The following SFI1 variants were observed in gnomAD, a reference collection of about 807,000 sequenced individuals.
The protein encoded by SFI1 is SFI1 centrin binding protein, also known as protein SFI1 homolog.
A neutral mutation model predicts 207.5 loss-of-function variants in SFI1; 195 were observed. The ratio of observed to expected loss-of-function variants is 0.94; its 90% CI spans 0.84 to 1.06. The LOEUF (loss-of-function observed/expected upper bound fraction) is 1.06, where lower values mean the gene tolerates loss of function less well. Among genes scored for constraint, SFI1 ranks in the 50% least tolerant of loss-of-function variants. The pLI is 0.00. For missense variants in SFI1, 1,634 were observed against 1,588.0 expected (o/e 1.03, Z -0.49); for synonymous variants, 630 against 598.9 (o/e 1.05, Z -0.76).
chr22:31,510,034 C>G (rs1471606178), intron 2 of SFI1, among the ~76,000 whole-genome samples: 2 of 152,032 alleles, frequency 1.3e-5, no homozygotes, highest in Non-Finnish European at 1.5e-5. Flanking sequence ...GATTCTCCAT[C>G]ATGTTGGCCA....
intron 20 of SFI1, chr22:31,605,287 A>G: frequency 5.8e-6 from 1 of 173,222 alleles, no homozygotes; most frequent in Non-Finnish European, 1.2e-5. Context: ...GGCTTCAGCG[A>G]CTCCCTTTCC....
At chr22:31,611,404 C>G (rs950416772) in intron 23 of SFI1, 101 bp downstream of exon 23, 32 of 1,376,532 alleles carry the variant, frequency 2.3e-5, no homozygotes, top group Admixed American at 5.3e-5. Flanking sequence ...TGACAGCACT[C>G]CATGCAGCCG....
rs1183711387 is a variant in SFI1 at position 31,585,157 on chromosome 22, T to G, written c.1413+23T>G. The G allele has an allele frequency of 2.5e-6, 4 of 1,595,714 alleles. No individual in the cohort carries two copies. In the East Asian group the frequency reaches 8.9e-5, roughly 36 times the overall value. On this transcript the variant is annotated intron_variant, in intron 14 of 32. Transcript: ENST00000400288. Reference sequence around the variant, plus strand: ...CAGGTATGGAGTACTTTTTAGCAGATAGCTCTACTGGCTTACATTCTTGGA... The same window carrying G: ...CAGGTATGGAGTACTTTTTAGCAGAGAGCTCTACTGGCTTACATTCTTGGA...
chr22:31,595,233 TGATCC>T (rs1426718280), intron 15 of SFI1, among the ~76,000 whole-genome samples: 1 of 152,162 alleles, frequency 6.6e-6, no homozygotes, highest in Non-Finnish European at 1.5e-5. Flanking sequence ...CCTGACCTCG[TGATCC>T]ACCCGCCTTG....
chr22:31,511,464 GT>G (rs758898165), intron 2 of SFI1, among the ~76,000 whole-genome samples: 62 of 114,524 alleles, frequency 5.4e-4, no homozygotes, highest in African/African-American at 1.3e-3. Flanking sequence ...CATAGTTTCT[GT>G]TTTTTTTTTT....
intron 4 of SFI1, among the ~76,000 whole-genome samples, chr22:31,541,287 G>A (rs563463332): frequency 1.3e-5 from 2 of 152,124 alleles, no homozygotes; most frequent in African/African-American, 4.8e-5. Context: ...GCCTAAAATT[G>A]ACTAAAATTT....
At chr22:31,506,292 C>T (rs1358391285) in intron 1 of SFI1, among the ~76,000 whole-genome samples, 1 of 152,004 alleles carries the variant, frequency 6.6e-6, no homozygotes, top group Non-Finnish European at 1.5e-5. Flanking sequence ...AGGTGATCTG[C>T]CCGACTCAGC....
chr22:31,616,444 G>C (rs2071462335), intron 29 of SFI1: 1 of 342,676 alleles, frequency 2.9e-6, no homozygotes, highest in Non-Finnish European at 5.3e-6. Flanking sequence ...TGGGGGTGGA[G>C]GGTTGGGTAA....
At chr22:31,553,530 T>TTC (rs2060823802) in intron 6 of SFI1, among the ~76,000 whole-genome samples, 1 of 64,282 alleles carries the variant, frequency 1.6e-5, no homozygotes, top group African/African-American at 7.3e-5. Context: ...AATTTTTGTA[T>TTC]TTTTTTTTTT....
intron 14 of SFI1, chr22:31,587,481 TG>T (rs1170917358): frequency 7.0e-5 from 5 of 71,210 alleles, no homozygotes; most frequent in Admixed American, 1.8e-4. Context: ...GTTTGTGTTT[TG>T]TTTTTTTTTT....
At chr22:31,584,400 A>G (rs544682703) in intron 13 of SFI1, among the ~76,000 whole-genome samples, 1 of 152,230 alleles carries the variant, frequency 6.6e-6, no homozygotes, top group African/African-American at 2.4e-5. Context: ...TGTGAGGAAA[A>G]CTCAGAATGT....
At chr22:31,567,540 A>G (rs1045331110) in intron 8 of SFI1, among the ~76,000 whole-genome samples, 2 of 150,472 alleles carry the variant, frequency 1.3e-5, no homozygotes, top group African/African-American at 2.5e-5. Context: ...GGAAGGATAT[A>G]TATGAATGTG....
Position 31,546,910 on chromosome 22 carries a change from G to A in SFI1, c.388G>A (p.Glu130Lys). The A allele has an allele frequency of 1.9e-6, 3 of 1,612,628 alleles. No individual in the cohort carries two copies. The highest frequency in any genetic ancestry group is 1.7e-6 in the Non-Finnish European group (2 of 1,179,396). ...ACGGAAGGTCTTCGAAGAATGGAAAGAGGAGTGGTGGGTTTTCCAGCACGA... is the reference window on the plus strand; with the variant it reads ...ACGGAAGGTCTTCGAAGAATGGAAAAAGGAGTGGTGGGTTTTCCAGCACGA... ...LLRKVFEEWK[E>K]EWWVFQHEWK... Residue 130 changes from glutamate (E) to lysine (K), a missense_variant, in exon 5 of 33, where the codon GAG (glutamate) becomes AAG (lysine). Physicochemically the swap from Glu to Lys is moderately conservative, Grantham distance 56. Transcript: ENST00000400288.
At chr22:31,591,811 TG>T in intron 15 of SFI1, among the ~76,000 whole-genome samples, 1 of 76,730 alleles carries the variant, frequency 1.3e-5, no homozygotes, top group Non-Finnish European at 2.5e-5. Context: ...ACGGGGCGGC[TG>T]GCCGGGCAGA....
At chr22:31,574,528 T>C (rs904147326) in intron 9 of SFI1, among the ~76,000 whole-genome samples, 4 of 152,236 alleles carry the variant, frequency 2.6e-5, no homozygotes, top group Non-Finnish European at 4.4e-5. Flanking sequence ...TTTTATGTCA[T>C]TGACTCAATC....
chr22:31,598,639 G>C (rs934232545), intron 15 of SFI1, among the ~76,000 whole-genome samples: 2 of 143,448 alleles, frequency 1.4e-5, no homozygotes, highest in African/African-American at 2.6e-5. Flanking sequence ...GGATGGTCTC[G>C]ATCTCCTGAC....
chr22:31,561,866 CT>C (rs2061740533), intron 8 of SFI1, among the ~76,000 whole-genome samples: 1 of 152,124 alleles, frequency 6.6e-6, no homozygotes, highest in African/African-American at 2.4e-5. Context: ...TGTACTAAAA[CT>C]TTCTTATCCT....
Position 31,602,783 on chromosome 22 carries a change from AGAGT to A in SFI1, c.1805+4_1805+7del. 1 of 1,612,960 alleles carries A rather than the reference AGAGT, an allele frequency of 6.2e-7. No homozygotes were observed. Among genetic ancestry groups the A allele is most frequent in the Non-Finnish European group, 8.5e-7 (1 of 1,179,718 alleles). ...GGGAAAGTGCCCAAGGGCTCAGAACAGAGTGAGTGGCCAGTTCTGCCTTACAAGC... is the reference window on the plus strand; with the variant it reads ...GGGAAAGTGCCCAAGGGCTCAGAACAGAGTGGCCAGTTCTGCCTTACAAGC... On this transcript the variant is annotated splice_donor_variant and coding_sequence_variant, in exon 17 of 33. Transcript: ENST00000400288. LOFTEE classifies it high-confidence loss of function.
chr22:31,611,958 C>A (rs1370240787), intron 24 of SFI1, 118 bp downstream of exon 24: 3 of 1,464,566 alleles, frequency 2.0e-6, no homozygotes, highest in Non-Finnish European at 2.7e-6. Flanking sequence ...CTATCACCCT[C>A]CCCAGGGCCA....
Sources: gnomAD v4.1 joint callset for allele counts (sites outside exome capture counted in the v4.1 genomes callset) on GRCh38, gnomAD v4.1.1 for gene constraint, MANE v1.5 for transcripts, NCBI Gene and HGNC (gene_info 2026-07-23, HGNC 2026-07-21) for gene names.